VPS45: variants seen among roughly 807,000 people sequenced by gnomAD.
The protein encoded by VPS45 is vacuolar protein sorting 45 homolog.
VPS45 carries 35 observed loss-of-function variants against 75.9 expected under a neutral mutation model. The ratio of observed to expected loss-of-function variants is 0.46; its 90% CI spans 0.35 to 0.61. The LOEUF (loss-of-function observed/expected upper bound fraction) is 0.61. Among genes scored for constraint, VPS45 ranks in the 20% least tolerant of loss-of-function variants. The probability of loss-of-function intolerance (pLI) is 0.00; values close to 1 mark genes in which losing one functional copy is unlikely to be tolerated. For synonymous variants in VPS45, 220 were observed against 238.2 expected, an observed-to-expected ratio of 0.92 and a Z score of 0.70; for missense variants, 559 against 685.9, an observed-to-expected ratio of 0.81 and a Z score of 2.07.
rs2101533346 is a variant in VPS45, at chr1:150,081,237, A to C, written c.688-105A>C. ...AATTTAACTCGAGAATCTTCATGTA[A>C]AGAAGACTAGTTAAAGAATGTTATC... is the stretch of plus-strand genomic sequence containing the variant. On this transcript the variant is annotated intron_variant, in intron 7 of 14. Transcript: ENST00000644510. 2.6e-6 allele frequency: 3 copies of C among 1,133,462 alleles called. No individual in the cohort carries two copies. The South Asian group carries it at 5.1e-5, about 19-fold the overall frequency. 70.2% of individuals were successfully genotyped at this position (1,133,462 alleles called of 1,614,324 possible). A position where few individuals can be genotyped will look rare whatever the true frequency, so the allele number is the denominator to read the frequency against.
intron 13 of VPS45, among the ~76,000 whole-genome samples, chr1:150,094,538 C>G (rs1553802680): frequency 7.0e-5 from 1 of 14,356 alleles, no homozygotes; most frequent in African/African-American, 2.9e-4. Flanking sequence ...TAATTTGGTA[C>G]AGAACAGAAA....
chr1:150,133,181 T>G (rs1309927539), intron 14 of VPS45, among the ~76,000 whole-genome samples: 4 of 152,202 alleles, frequency 2.6e-5, no homozygotes, highest in African/African-American at 9.6e-5. Context: ...AAGAAAAATC[T>G]TTAGTAGTTC....
chr1:150,120,327 A>G (rs1449920255), intron 14 of VPS45, among the ~76,000 whole-genome samples: 1 of 152,204 alleles, frequency 6.6e-6, no homozygotes, highest in African/African-American at 2.4e-5. Flanking sequence ...TTTCTGACAT[A>G]TATCAAGATC....
intron 10 of VPS45, among the ~76,000 whole-genome samples, chr1:150,089,519 T>A (rs587597125): frequency 2.0e-5 from 3 of 151,922 alleles, no homozygotes; most frequent in Non-Finnish European, 4.4e-5. Context: ...CGCCACTACA[T>A]CCTGCTAATT....
intron 14 of VPS45, among the ~76,000 whole-genome samples, chr1:150,111,394 T>C (rs74127446): frequency 0.022 from 3,277 of 152,316 alleles, 97 homozygotes; most frequent in African/African-American, 0.074. Context: ...GGAATGTGTG[T>C]AATAAAGTGA....
intron 9 of VPS45, 44 bp downstream of exon 9, chr1:150,082,041 G>T: frequency 7.8e-7 from 1 of 1,276,862 alleles, no homozygotes; most frequent in East Asian, 2.4e-5. Flanking sequence ...TGACAGTTTG[G>T]TACTATTCAT....
chr1:150,073,093 TTACTA>T lies in VPS45; in HGVS notation c.289+871_289+875del, dbSNP rs1238342611. On this transcript the variant is annotated intron_variant, in intron 3 of 14. Coordinates refer to ENST00000644510, the MANE Select transcript of VPS45 (RefSeq NM_007259.5). ...ATCTGGAAATAAACTAGGTTTGTGT[TTACTA>T]TACAATTTACATGGATTTTTTTGAT... Among the ~76,000 whole-genome samples the T allele has an allele frequency of 3.9e-5, 6 of 152,282 alleles. No individual in the cohort carries two copies. In the East Asian group the frequency reaches 1.2e-3, roughly 29 times the overall value.
chr1:150,136,670 G>A (rs1006017093), intron 14 of VPS45, among the ~76,000 whole-genome samples: 11 of 151,664 alleles, frequency 7.3e-5, no homozygotes, highest in African/African-American at 2.2e-4. Flanking sequence ...TCACAGAGGA[G>A]CTGGTTTTTG....
intron 3 of VPS45, among the ~76,000 whole-genome samples, chr1:150,075,749 T>C (rs1383100708): frequency 6.6e-6 from 1 of 152,118 alleles, no homozygotes; most frequent in Non-Finnish European, 1.5e-5. Context: ...TTCCCTAGTA[T>C]TCTCATTCTC....
intron 14 of VPS45, among the ~76,000 whole-genome samples, chr1:150,120,727 C>T (rs1399813868): frequency 6.6e-6 from 1 of 152,108 alleles, no homozygotes; most frequent in Non-Finnish European, 1.5e-5. Context: ...TGATTTGTTT[C>T]TATAGGGCCT....
chr1:150,121,669 A>G (rs1433812362), intron 14 of VPS45, among the ~76,000 whole-genome samples: 1 of 152,202 alleles, frequency 6.6e-6, no homozygotes, highest in Non-Finnish European at 1.5e-5. Context: ...ATTTTCATCA[A>G]CGTCTATCTA....
At chr1:150,092,887 G>A (rs1571850921) in intron 12 of VPS45, among the ~76,000 whole-genome samples, 2 of 119,254 alleles carry the variant, frequency 1.7e-5, no homozygotes, top group South Asian at 5.7e-4. Flanking sequence ...TGTCTCCCAG[G>A]CTGGAGTGCA....
chr1:150,133,250 C>T (rs1553812766), intron 14 of VPS45, among the ~76,000 whole-genome samples: 1 of 152,024 alleles, frequency 6.6e-6, no homozygotes. Flanking sequence ...GTCAGTACCA[C>T]TATAATTAAA....
intron 14 of VPS45, among the ~76,000 whole-genome samples, chr1:150,127,321 AT>A (rs782667721): frequency 2.0e-5 from 3 of 148,330 alleles, no homozygotes; most frequent in Non-Finnish European, 1.5e-5. Context: ...AGTGAAGCAG[AT>A]TTTTTTTTTT....
At chr1:150,074,952 A>ATTT (rs1185847959) in intron 3 of VPS45, among the ~76,000 whole-genome samples, 3 of 88,148 alleles carry the variant, frequency 3.4e-5, no homozygotes, top group Admixed American at 1.5e-4. Flanking sequence ...ATAATTATTT[A>ATTT]TTCTTTTTTT....
intron 13 of VPS45, among the ~76,000 whole-genome samples, chr1:150,106,369 G>C (rs1440316117): frequency 6.6e-6 from 1 of 152,050 alleles, no homozygotes; most frequent in African/African-American, 2.4e-5. Flanking sequence ...CATCCTACAA[G>C]GAACGCAATA....
chr1:150,109,991 A>G (rs1275883413), intron 13 of VPS45: 1 of 152,168 alleles, frequency 6.6e-6, no homozygotes, highest in Admixed American at 6.5e-5. Flanking sequence ...AAATGTTTCT[A>G]GTTTCCATGT....
rs185595957 is a variant in VPS45 at position 150,129,558 on chromosome 1, A to T, written c.1626-15151A>T. The stretch of plus-strand genomic sequence containing the variant: ...ATGTATACACATTTTTTTTAATTTT[A>T]TTTATTTATTTATTTATTTGAGACG... On this transcript the variant is annotated intron_variant, in intron 14 of 14. Coordinates refer to ENST00000644510, the MANE Select transcript of VPS45 (RefSeq NM_007259.5). 1.5e-4 allele frequency among the ~76,000 whole-genome samples: 22 copies of T among 151,538 alleles called. No individual in the cohort carries two copies. In the East Asian group the frequency reaches 2.3e-3, roughly 16 times the overall value.
At chr1:150,108,011 A>C (rs1353370769) in intron 13 of VPS45, among the ~76,000 whole-genome samples, 1 of 152,122 alleles carries the variant, frequency 6.6e-6, no homozygotes, top group African/African-American at 2.4e-5. Flanking sequence ...CTATGTCCCC[A>C]ACTTCACTTC....
Sources: allele counts gnomAD v4.1 joint callset (sites outside exome capture counted in the v4.1 genomes callset), GRCh38; gene constraint gnomAD v4.1.1; transcripts MANE v1.5; gene names NCBI Gene and HGNC (gene_info 2026-07-23, HGNC 2026-07-21).